ADD2: variants seen among roughly 807,000 people sequenced by gnomAD.
ADD2 encodes the protein adducin 2.
In ADD2, 23 loss-of-function variants were observed where a neutral mutation model predicts 83.0. The observed-to-expected ratio is 0.28, with a 90% CI of 0.20 to 0.39. The LOEUF is 0.39. Among genes scored for constraint, ADD2 ranks in the 10% least tolerant of loss-of-function variants. The pLI is 1.00. For missense variants in ADD2, 758 were observed against 944.9 expected (o/e 0.80, Z 2.59); for synonymous variants, 375 against 375.4 (o/e 1.00, Z 0.01).
At chr2:70,751,513 ATGAATGTATCTCCCT>A (rs1407952605) in intron 1 of ADD2, among the ~76,000 whole-genome samples, 1 of 152,208 alleles carries the variant, frequency 6.6e-6, no homozygotes. Flanking sequence ...TAGGACAAAA[ATGAATGTATCTCCCT>A]TTCCCATTCT....
chr2:70,670,355 A>G (rs1425420671), intron 15 of ADD2, among the ~76,000 whole-genome samples: 7 of 152,194 alleles, frequency 4.6e-5, no homozygotes, highest in African/African-American at 1.7e-4. Context: ...AGTGTTTTTA[A>G]ATGACTTGTT....
chr2:70,760,278 G>A lies in ADD2; in HGVS notation c.-154+7608C>T, dbSNP rs370867340. On this transcript the variant is annotated intron_variant, in intron 1 of 15. Transcript: ENST00000264436. ...GGTCCCAGCCATGACACATGCATAC[G>A]TCTGCCTCTCTGCTGGCCATCCCCA... is the stretch of plus-strand genomic sequence containing the variant. Among the ~76,000 whole-genome samples, 19 of 152,180 alleles carry A rather than the reference G, an allele frequency of 1.2e-4. No individual in the cohort carries two copies. The South Asian group carries it at 3.7e-3, about 30-fold the overall frequency.
At chr2:70,758,841 G>A (rs1674934573) in intron 1 of ADD2, among the ~76,000 whole-genome samples, 2 of 152,094 alleles carry the variant, frequency 1.3e-5, no homozygotes, top group South Asian at 4.1e-4. Flanking sequence ...GGAAGACTGG[G>A]CTGGAAGCAG....
chr2:70,731,216 A>G (rs1673264042), intron 1 of ADD2, among the ~76,000 whole-genome samples: 1 of 152,130 alleles, frequency 6.6e-6, no homozygotes, highest in South Asian at 2.1e-4. Context: ...TTAGAAACTG[A>G]TGGGACACCA....
intron 2 of ADD2, among the ~76,000 whole-genome samples, chr2:70,707,939 G>A (rs1398954724): frequency 2.6e-5 from 4 of 152,112 alleles, no homozygotes; most frequent in Admixed American, 2.0e-4. Context: ...GGCTCCCTCC[G>A]GCCTTGCTCC....
At chr2:70,757,456 T>A (rs1456253909) in intron 1 of ADD2, among the ~76,000 whole-genome samples, 2 of 152,142 alleles carry the variant, frequency 1.3e-5, no homozygotes, top group Non-Finnish European at 2.9e-5. Flanking sequence ...AGAGGAAGTC[T>A]CACACACAGT....
At chr2:70,682,261 C>T (rs1670495347) in intron 10 of ADD2, among the ~76,000 whole-genome samples, 1 of 152,042 alleles carries the variant, frequency 6.6e-6, no homozygotes, top group Admixed American at 6.6e-5. Flanking sequence ...TTTTTTCACT[C>T]CTCTCAGAAA....
chr2:70,697,020 G>A (rs923332030), intron 4 of ADD2, among the ~76,000 whole-genome samples: 8 of 152,194 alleles, frequency 5.3e-5, no homozygotes, highest in Admixed American at 6.5e-5. Context: ...TTAGCTGGGT[G>A]TGGTGGCACG....
intron 2 of ADD2, among the ~76,000 whole-genome samples, chr2:70,709,396 G>C (rs1420065124): frequency 6.6e-6 from 1 of 152,138 alleles, no homozygotes; most frequent in Non-Finnish European, 1.5e-5. Context: ...AATGGTTGTG[G>C]TCATACTTGG....
chr2:70,754,837 G>C (rs1314038656), intron 1 of ADD2, among the ~76,000 whole-genome samples: 1 of 152,026 alleles, frequency 6.6e-6, no homozygotes, highest in Non-Finnish European at 1.5e-5. Flanking sequence ...CCCAGCTCTG[G>C]CACCCCACCT....
chr2:70,683,657 C>T lies in ADD2; in HGVS notation c.1059G>A (p.Gly353=). 1.2e-6 allele frequency: 2 copies of T among 1,614,134 alleles called. No homozygotes were observed. The highest frequency in any genetic ancestry group is 1.7e-6 in the Non-Finnish European group (2 of 1,180,004). The change falls in exon 10 of 16, where the codon GGG becomes GGA. Residue 353 remains glycine (G), a synonymous_variant. Transcript: ENST00000264436. The stretch of plus-strand genomic sequence containing the variant: ...CCCCCAGCCGACTCTTCTGCATAGG[C>T]CCAAAGGTGCTCCCGGCCCACTGCA... ...GSVQWAGSTF[G]PMQKSRLGEH... is the part of the protein sequence containing the mutation.
chr2:70,687,592 CAAAACAAA>C (rs1391256335), intron 9 of ADD2, among the ~76,000 whole-genome samples: 1 of 82,760 alleles, frequency 1.2e-5, no homozygotes, highest in Non-Finnish European at 2.5e-5. Context: ...CCCCTCCCCT[CAAAACAAA>C]CAAACAAACA....
At chr2:70,664,614 C>T (rs913038902) in intron 15 of ADD2, among the ~76,000 whole-genome samples, 2 of 152,226 alleles carry the variant, frequency 1.3e-5, no homozygotes, top group East Asian at 1.9e-4. Flanking sequence ...CTGAAGAACA[C>T]AGTACCATGG....
At chr2:70,705,086 A>G (rs1671813436) in intron 3 of ADD2, among the ~76,000 whole-genome samples, 1 of 152,146 alleles carries the variant, frequency 6.6e-6, no homozygotes, top group Non-Finnish European at 1.5e-5. Flanking sequence ...AGAAGGAAGC[A>G]GGCCCTCCTC....
intron 10 of ADD2, among the ~76,000 whole-genome samples, chr2:70,681,893 T>A (rs7567048): frequency 0.066 from 10,041 of 152,210 alleles, 559 homozygotes; most frequent in African/African-American, 0.15. Context: ...ATGTTTTGTA[T>A]TTTTTGTAGA....
rs548455138 is a variant in ADD2 at position 70,694,723 on chromosome 2, C to T, written c.555+998G>A. 2.7e-4 allele frequency among the ~76,000 whole-genome samples: 41 copies of T among 152,250 alleles called. No individual in the cohort carries two copies. The South Asian group carries it at 3.3e-3, about 12-fold the overall frequency. On this transcript the variant is annotated intron_variant, in intron 6 of 15. Coordinates refer to ENST00000264436, the MANE Select transcript of ADD2 (RefSeq NM_001617.4). ...CTCCTGCACCATGGTTTCAGCTAGA[C>T]GCCTCCTCCCTCATTCCCTCTTTCT...
chr2:70,667,762 G>C (rs1282111589), intron 15 of ADD2, among the ~76,000 whole-genome samples: 2 of 152,088 alleles, frequency 1.3e-5, no homozygotes, highest in Non-Finnish European at 2.9e-5. Flanking sequence ...GGGATTACAG[G>C]CGCATGTCAC....
chr2:70,716,150 G>A (rs1045551907), intron 1 of ADD2, among the ~76,000 whole-genome samples: 2 of 151,996 alleles, frequency 1.3e-5, no homozygotes, highest in African/African-American at 2.4e-5. Flanking sequence ...AATGGGCTTT[G>A]TCAAACCAAA....
chr2:70,685,053 T>C (rs782763978), intron 9 of ADD2, among the ~76,000 whole-genome samples: 1 of 152,234 alleles, frequency 6.6e-6, no homozygotes, highest in Non-Finnish European at 1.5e-5. Flanking sequence ...CAATGGCTTA[T>C]GAATAGTCCA....
Sources: gnomAD v4.1 joint callset for allele counts (sites outside exome capture counted in the v4.1 genomes callset) on GRCh38, gnomAD v4.1.1 for gene constraint, MANE v1.5 for transcripts, NCBI Gene and HGNC (gene_info 2026-07-23, HGNC 2026-07-21) for gene names.